The following SIRT3 variants were observed in gnomAD, a reference collection of about 807,000 sequenced individuals.
SIRT3 encodes the protein sirtuin 3.
Under a neutral mutation model 33.5 loss-of-function variants are expected in SIRT3, and 26 were observed. The observed-to-expected ratio is 0.78, with a 90% CI of 0.57 to 1.08. SIRT3 has a LOEUF of 1.08. SIRT3 is among the 50% of genes least tolerant of loss of function. The pLI is 0.00. For synonymous variants in SIRT3, 237 were observed against 222.1 expected, an observed-to-expected ratio of 1.07 and a Z score of -0.60; for missense variants, 585 against 530.1, an observed-to-expected ratio of 1.10 and a Z score of -1.02.
chr11:219,190 C>T, intron 5 of SIRT3, 149 bp from the exon 6 acceptor site: 1 of 1,040,464 alleles, frequency 9.6e-7, no homozygotes, highest in Non-Finnish European at 1.4e-6. Flanking sequence ...AATCTCATTT[C>T]TTCAGCTGAG....
chr11:219,159 A>T, intron 5 of SIRT3, 118 bp from the exon 6 acceptor site: 1 of 1,300,938 alleles, frequency 7.7e-7, no homozygotes, highest in Admixed American at 2.5e-5. Context: ...AGAGCCTGCG[A>T]TATAGGGAAA....
At chr11:224,930 A>G (rs1225642760) in intron 4 of SIRT3, among the ~76,000 whole-genome samples, 1 of 151,034 alleles carries the variant, frequency 6.6e-6, no homozygotes, top group Non-Finnish European at 1.5e-5. Context: ...TGTTTTAAGC[A>G]GGCTCAGCCC....
At chr11:217,351 G>A (rs1013660311) in intron 6 of SIRT3, among the ~76,000 whole-genome samples, 3 of 152,252 alleles carry the variant, frequency 2.0e-5, no homozygotes, top group African/African-American at 7.2e-5. Context: ...TCAGGAGGCT[G>A]AGGCAGGAGA....
chr11:225,468 A>G (rs1446360645), intron 4 of SIRT3, among the ~76,000 whole-genome samples: 2 of 152,162 alleles, frequency 1.3e-5, no homozygotes, highest in African/African-American at 4.8e-5. Flanking sequence ...ATATAAAATT[A>G]TTAAAAAATT....
intron 3 of SIRT3, among the ~76,000 whole-genome samples, chr11:231,572 G>A (rs1342392398): frequency 6.6e-6 from 1 of 152,250 alleles, no homozygotes; most frequent in Non-Finnish European, 1.5e-5. Flanking sequence ...TGAAAGTTGT[G>A]TTAGTATTAA....
rs1856711336 is a variant in SIRT3 at position 223,508 on chromosome 11, TGCAGCTACGTCCCCGGGC to T, written c.969+552_969+569del. 3.0e-6 allele frequency: 1 copy of T among 333,448 alleles called. No individual in the cohort carries two copies. The highest frequency in any genetic ancestry group is 2.2e-5 in the African/African-American group (1 of 46,232). 20.7% of individuals were successfully genotyped at this position (333,448 alleles called of 1,614,324 possible). The stretch of plus-strand genomic sequence containing the variant: ...CCAAAGGCCTCCCTGACCCCAAGGG[TGCAGCTACGTCCCCGGGC>T]CAGTCCCTGTGGATTTATCACTCCT... On this transcript the variant is annotated intron_variant, in intron 5 of 6. Transcript: ENST00000382743. The surrounding 1 kb of genome is among the most constrained non-coding windows in gnomAD (Gnocchi z 4.8).
Position 230,515 on chromosome 11 carries a change from ATGAGCTTCAACCAGCTT to A in SIRT3, c.727_743del (p.Lys243TrpfsTer23). On this transcript the variant is annotated frameshift_variant, in exon 4 of 7. Transcript: ENST00000382743. LOFTEE classifies it high-confidence loss of function. ...TGCAGGTGGCAGAGGCAAAGGTTCC[ATGAGCTTCAACCAGCTT>A]TGAGGCAGGGATGCCCGACACTGAA... The A allele has an allele frequency of 6.5e-7, 1 of 1,538,180 alleles. No individual in the cohort carries two copies. Among genetic ancestry groups the A allele is most frequent in the Non-Finnish European group, 8.8e-7 (1 of 1,142,266 alleles).
At chr11:236,010 A>G (rs200199247) in intron 1 of SIRT3, 38 bp downstream of exon 1, 1 of 1,431,134 alleles carries the variant, frequency 7.0e-7, no homozygotes, top group Non-Finnish European at 9.2e-7. Flanking sequence ...GGTGTCGACA[A>G]CGAACACGCA....
rs1855522732 is a variant in SIRT3, at chr11:215,107, A to G, written c.*1591T>C. ...ATCTTGAAATAAAGAAGAGTTTTGG[A>G]CAAAAATGTATGTGTAAATTATCAA... On this transcript the variant is annotated 3_prime_UTR_variant, in exon 7 of 7. Coordinates refer to ENST00000382743, the MANE Select transcript of SIRT3 (RefSeq NM_012239.6). The G allele has an allele frequency of 6.5e-6, 1 of 154,616 alleles. No homozygotes were observed. The highest frequency in any genetic ancestry group is 2.4e-5 in the African/African-American group (1 of 41,470). 9.6% of individuals were successfully genotyped at this position (154,616 alleles called of 1,614,324 possible).
chr11:236,068 AG>A lies in SIRT3; in HGVS notation c.260del (p.Ala87ValfsTer42). 1 of 1,534,708 alleles carries A rather than the reference AG, an allele frequency of 6.5e-7. No individual in the cohort carries two copies. Among genetic ancestry groups the A allele is most frequent in the Non-Finnish European group, 8.8e-7 (1 of 1,141,750 alleles). On this transcript the variant is annotated frameshift_variant, in exon 1 of 7. Transcript: ENST00000382743. LOFTEE classifies it high-confidence loss of function. ...AATACCTCGAAAAGAAGAAACTGGGAGCTGCTGCCCTCGGCTGCCTCCGGAA... is the reference window on the plus strand; with the variant it reads ...AATACCTCGAAAAGAAGAAACTGGGACTGCTGCCCTCGGCTGCCTCCGGAA... Reference protein sequence around the residue: ...RAFRRQPRAAAPSFFFSSIKG... With the variant: ...RAFRRQPRAAXPSFFFSSIKG...
At chr11:230,597 G>A (rs556497535) in intron 3 of SIRT3, 45 bp from the exon 4 acceptor site, 3 of 1,358,898 alleles carry the variant, frequency 2.2e-6, no homozygotes, top group African/African-American at 1.5e-5. Context: ...CCTCCGAGAT[G>A]AGCACGCAAG....
At chr11:222,864 T>C (rs1478732337) in intron 5 of SIRT3, 1 of 152,342 alleles carries the variant, frequency 6.6e-6, no homozygotes, top group Non-Finnish European at 1.5e-5. Flanking sequence ...AACTCTTAGA[T>C]CCAACTCCAC....
At chr11:236,723 T>C, upstream of SIRT3, 1 of 430,542 alleles carries the variant, frequency 2.3e-6, no homozygotes, top group Non-Finnish European at 4.2e-6. Flanking sequence ...GGGAAGATCC[T>C]CATTTGACAG....
At chr11:236,779 A>G (rs1361000147), upstream of SIRT3, 18 of 528,324 alleles carry the variant, frequency 3.4e-5, no homozygotes, top group Non-Finnish European at 6.8e-6. Flanking sequence ...GCTAGTCCGT[A>G]GCGGGTTCGA....
chr11:219,617 G>C (rs1856153342), intron 5 of SIRT3, among the ~76,000 whole-genome samples: 1 of 56,690 alleles, frequency 1.8e-5, no homozygotes, highest in Non-Finnish European at 3.3e-5. Flanking sequence ...AGAGGAACAA[G>C]GTAAAAAAAT....
At chr11:231,442 T>A (rs1418916914) in intron 3 of SIRT3, among the ~76,000 whole-genome samples, 4 of 152,138 alleles carry the variant, frequency 2.6e-5, no homozygotes, top group Non-Finnish European at 4.4e-5. Context: ...TCTCAAAAAT[T>A]TATATCTAAT....
At chr11:219,791 T>C (rs1310742151) in intron 5 of SIRT3, among the ~76,000 whole-genome samples, 1 of 152,054 alleles carries the variant, frequency 6.6e-6, no homozygotes, top group Admixed American at 6.6e-5. Flanking sequence ...GGGAAGAACG[T>C]TCTAGGCGTA....
chr11:225,210 G>A (rs1857004198), intron 4 of SIRT3, among the ~76,000 whole-genome samples: 1 of 152,080 alleles, frequency 6.6e-6, no homozygotes, highest in South Asian at 2.1e-4. Context: ...TCAGGAGATC[G>A]AGACTGTCTT....
chr11:219,241 CCT>C (rs377572725), intron 5 of SIRT3, among the ~76,000 whole-genome samples, 200 bp from the exon 6 acceptor site: 7 of 151,464 alleles, frequency 4.6e-5, no homozygotes, highest in Admixed American at 2.0e-4. Flanking sequence ...CTCCCCTCCG[CCT>C]CTCTCTCTCT....
Sources: allele counts gnomAD v4.1 joint callset (sites outside exome capture counted in the v4.1 genomes callset), GRCh38; gene constraint gnomAD v4.1.1; non-coding constraint Gnocchi (gnomAD v3.1); transcripts MANE v1.5; gene names NCBI Gene and HGNC (gene_info 2026-07-23, HGNC 2026-07-21).